PTPRF: variants seen among roughly 807,000 people sequenced by gnomAD.
PTPRF encodes the protein protein tyrosine phosphatase receptor type F, also known as receptor-type tyrosine-protein phosphatase F.
Under a neutral mutation model 201.8 loss-of-function variants are expected in PTPRF, and 59 were observed. The ratio of observed to expected loss-of-function variants is 0.29; its 90% confidence interval spans 0.24 to 0.36. The LOEUF (loss-of-function observed/expected upper bound fraction) is 0.36, where lower values mean the gene tolerates loss of function less well. Ranked by LOEUF, PTPRF falls within the 10% of genes least tolerant of loss-of-function variation. The pLI is 1.00. For missense variants in PTPRF, 2,132 were observed against 2,690.5 expected, an observed-to-expected ratio of 0.79 and a Z score of 4.59; for synonymous variants, 1,088 against 1,089.7, an observed-to-expected ratio of 1.00 and a Z score of 0.03.
intron 1 of PTPRF, among the ~76,000 whole-genome samples, chr1:43,532,088 C>T (rs1489226697): frequency 6.6e-6 from 1 of 152,176 alleles, no homozygotes; most frequent in African/African-American, 2.4e-5. Flanking sequence ...TTGGGTCTCT[C>T]TATTTCCTCT....
At chr1:43,579,023 A>G (rs561164697) in intron 7 of PTPRF, 103 bp downstream of exon 7, 1 of 1,016,676 alleles carries the variant, frequency 9.8e-7, no homozygotes, top group Admixed American at 1.9e-5. Flanking sequence ...AGGGACTGCC[A>G]TGGGCCCAGT....
chr1:43,567,018 GC>G, intron 5 of PTPRF, among the ~76,000 whole-genome samples: 1 of 152,296 alleles, frequency 6.6e-6, no homozygotes, highest in South Asian at 2.1e-4. Context: ...GAGACACAGG[GC>G]TGCACACATT....
At chr1:43,565,031 C>T (rs907014769) in intron 5 of PTPRF, among the ~76,000 whole-genome samples, 6 of 152,182 alleles carry the variant, frequency 3.9e-5, no homozygotes, top group East Asian at 1.9e-4. Flanking sequence ...CCACCAGACT[C>T]GCCTTGGTAC....
At chr1:43,578,251 G>A (rs569121555) in intron 6 of PTPRF, among the ~76,000 whole-genome samples, 45 of 152,228 alleles carry the variant, frequency 3.0e-4, no homozygotes, top group African/African-American at 1.0e-3. Context: ...TGGCGGGGAG[G>A]GGGTGGAGTA....
intron 22 of PTPRF, 81 bp from the exon 23 acceptor site, chr1:43,613,537 A>C (rs999303333): frequency 1.6e-5 from 18 of 1,130,864 alleles, no homozygotes; most frequent in Non-Finnish European, 2.4e-5. Context: ...TCACATGTGC[A>C]CATACATGCG....
intron 23 of PTPRF, among the ~76,000 whole-genome samples, chr1:43,616,302 C>T (rs1253027281): frequency 6.6e-6 from 1 of 151,334 alleles, no homozygotes; most frequent in Non-Finnish European, 1.5e-5. Flanking sequence ...GCCAGGCACA[C>T]TGTGGGTCCT....
In PTPRF at chr1:43,554,746, G is replaced by T. The variant is rs1453089053; in HGVS notation, c.379+805G>T. ...CATAGGAAGCCACAAACAAGGCGGG[G>T]GTGACATGATCAGACCCCAGCCACA... On this transcript the variant is annotated intron_variant, in intron 5 of 33. Transcript: ENST00000359947. This position sits in a 1 kb window ranked among gnomAD's most constrained non-coding sequence, Gnocchi z 4.1. Among the ~76,000 whole-genome samples, 5 of 152,146 alleles carry T rather than the reference G, an allele frequency of 3.3e-5. No homozygotes were observed. The highest frequency in any genetic ancestry group is 5.9e-5 in the Non-Finnish European group (4 of 68,012).
intron 21 of PTPRF, among the ~76,000 whole-genome samples, chr1:43,608,951 T>C (rs1191986399): frequency 6.6e-6 from 1 of 152,118 alleles, no homozygotes; most frequent in Non-Finnish European, 1.5e-5. Flanking sequence ...GCATTTACCC[T>C]GATACTCTGA....
intron 11 of PTPRF, among the ~76,000 whole-genome samples, chr1:43,594,379 C>A (rs769282934): frequency 8.1e-6 from 1 of 123,776 alleles, no homozygotes; most frequent in Non-Finnish European, 1.7e-5. Flanking sequence ...TGAAGGCCTT[C>A]CAGCTGCAAG....
chr1:43,621,982 C>T lies in PTPRF; in HGVS notation c.5703C>T (p.Ser1901=), dbSNP rs945224691. The T allele has an allele frequency of 6.2e-6, 10 of 1,614,050 alleles. No homozygotes were observed. The African/African-American group carries it at 1.2e-4, about 19-fold the overall frequency. Residue 1901 remains serine, a synonymous_variant, in exon 34 of 34, where the codon AGC becomes AGT. Transcript: ENST00000359947. ...CYRAALEYLG[S]FDHYAT is the part of the protein sequence containing the mutation. ...GTGCGGCCCTGGAGTACCTCGGCAG[C>T]TTTGACCACTATGCAACGTAACTAC... is the stretch of plus-strand genomic sequence containing the variant.
chr1:43,541,286 A>AT (rs1644346977), intron 2 of PTPRF, among the ~76,000 whole-genome samples: 1 of 152,352 alleles, frequency 6.6e-6, no homozygotes, highest in South Asian at 2.1e-4. Context: ...GTGTTTGCGT[A>AT]TTTATGATGA....
chr1:43,575,725 C>G (rs532653673), intron 6 of PTPRF, among the ~76,000 whole-genome samples: 113 of 152,224 alleles, frequency 7.4e-4, no homozygotes, highest in Non-Finnish European at 1.3e-3. Flanking sequence ...TTCACTGACA[C>G]TCAGTCTGGC....
At chr1:43,600,365 C>T (rs999618773) in intron 13 of PTPRF, among the ~76,000 whole-genome samples, 1 of 152,188 alleles carries the variant, frequency 6.6e-6, no homozygotes, top group African/African-American at 2.4e-5. Flanking sequence ...GCCAGAGGCT[C>T]AGGGACGCTG....
At chr1:43,539,562 TG>T (rs771461953) in intron 2 of PTPRF, among the ~76,000 whole-genome samples, 1 of 152,184 alleles carries the variant, frequency 6.6e-6, no homozygotes, top group African/African-American at 2.4e-5. Context: ...GTGTATGTCC[TG>T]GGTGTCTCCT....
intron 23 of PTPRF, among the ~76,000 whole-genome samples, chr1:43,615,385 T>C (rs1362587659): frequency 6.6e-6 from 1 of 152,048 alleles, no homozygotes; most frequent in Non-Finnish European, 1.5e-5. Flanking sequence ...CTTCCCCATC[T>C]GGGCTCGTGG....
chr1:43,554,109 C>A lies in PTPRF; in HGVS notation c.379+168C>A, dbSNP rs1411829075. ...GACAGGGATAGTCATTGGATCTGGC[C>A]TGGATTGTGCGGCTTATGCTGAGGC... On this transcript the variant is annotated intron_variant, in intron 5 of 33. Transcript: ENST00000359947. This position sits in a 1 kb window ranked among gnomAD's most constrained non-coding sequence, Gnocchi z 4.1. Among the ~76,000 whole-genome samples, 2 of 152,180 alleles carry A rather than the reference C, an allele frequency of 1.3e-5. No homozygotes were observed. The highest frequency in any genetic ancestry group is 2.9e-5 in the Non-Finnish European group (2 of 68,040).
intron 7 of PTPRF, among the ~76,000 whole-genome samples, chr1:43,587,312 C>T (rs1649406776): frequency 6.6e-6 from 1 of 152,186 alleles, no homozygotes; most frequent in African/African-American, 2.4e-5. Context: ...GAACACATTG[C>T]AGCAACTCAG....
chr1:43,527,881 G>A (rs529035295), upstream of PTPRF, among the ~76,000 whole-genome samples: 22 of 152,364 alleles, frequency 1.4e-4, no homozygotes, highest in East Asian at 4.0e-3. Context: ...TCAGGGAGCT[G>A]TTCCCTCACT....
At chr1:43,614,878 T>TA (rs1209162371) in intron 23 of PTPRF, among the ~76,000 whole-genome samples, 2 of 151,966 alleles carry the variant, frequency 1.3e-5, no homozygotes, top group Non-Finnish European at 2.9e-5. Context: ...AAAAAACTCT[T>TA]AAAAAAGAGT....
Sources: allele counts gnomAD v4.1 joint callset (sites outside exome capture counted in the v4.1 genomes callset), GRCh38; gene constraint gnomAD v4.1.1; non-coding constraint Gnocchi (gnomAD v3.1); transcripts MANE v1.5; gene names NCBI Gene and HGNC (gene_info 2026-07-23, HGNC 2026-07-21).